The following ANTXR2 variants were observed in gnomAD, a reference collection of about 807,000 sequenced individuals.
ANTXR2 encodes the protein anthrax toxin receptor 2.
In ANTXR2, 44 loss-of-function variants were observed where a neutral mutation model predicts 73.7. That is an observed-to-expected ratio of 0.60 (90% CI 0.47 to 0.77). The LOEUF is 0.77. Among genes scored for constraint, ANTXR2 ranks in the 30% least tolerant of loss-of-function variants. ANTXR2 has a pLI of 0.00. For synonymous variants in ANTXR2, 217 were observed against 205.9 expected (o/e 1.05, Z -0.46); for missense variants, 604 against 592.5 (o/e 1.02, Z -0.20).
At chr4:80,071,756 T>C in intron 1 of ANTXR2, 102 bp from the exon 2 acceptor site, 1 of 916,708 alleles carries the variant, frequency 1.1e-6, no homozygotes, top group Admixed American at 2.2e-5. Context: ...TAGGGGCACC[T>C]GGCCTCTTTT....
intron 7 of ANTXR2, among the ~76,000 whole-genome samples, chr4:80,036,532 G>A (rs1732973104): frequency 6.6e-6 from 1 of 152,120 alleles, no homozygotes; most frequent in Admixed American, 6.6e-5. Context: ...TGTGCACAGT[G>A]GCTCATGCCT....
intron 10 of ANTXR2, among the ~76,000 whole-genome samples, chr4:80,026,428 T>A (rs1474149855): frequency 6.6e-6 from 1 of 152,190 alleles, no homozygotes. Context: ...CGGCAGTTCT[T>A]TATAGCAGTG....
chr4:79,987,562 T>G (rs532561943), intron 12 of ANTXR2, among the ~76,000 whole-genome samples: 1 of 152,214 alleles, frequency 6.6e-6, no homozygotes, highest in Non-Finnish European at 1.5e-5. Context: ...TTTGAGGATA[T>G]TGTCCACACA....
intron 7 of ANTXR2, among the ~76,000 whole-genome samples, chr4:80,039,444 A>C (rs1733130794): frequency 6.6e-6 from 1 of 152,098 alleles, no homozygotes; most frequent in Non-Finnish European, 1.5e-5. Flanking sequence ...CCAAGTAATT[A>C]TACAAATTGA....
intron 10 of ANTXR2, among the ~76,000 whole-genome samples, chr4:80,030,982 T>C (rs1732662458): frequency 6.6e-6 from 1 of 152,022 alleles, no homozygotes; most frequent in South Asian, 2.1e-4. Context: ...AAATTATCAG[T>C]AGAATTACTT....
intron 7 of ANTXR2, among the ~76,000 whole-genome samples, chr4:80,049,745 C>T (rs4690140): frequency 0.14 from 20,484 of 151,670 alleles, 2,755 homozygotes; most frequent in East Asian, 0.71. Flanking sequence ...CTTTTGACTC[C>T]TCTCTCTGTC....
chr4:79,950,008 G>A lies in ANTXR2; in HGVS notation c.1428+27613C>T, dbSNP rs936429170. 4.6e-5 allele frequency among the ~76,000 whole-genome samples: 7 copies of A among 152,056 alleles called. No homozygotes were observed. In the South Asian group the frequency reaches 6.2e-4, roughly 14 times the overall value. On this transcript the variant is annotated intron_variant, in intron 16 of 16. Transcript: ENST00000403729. ...GGACAAGAACAGCTATCATATCAAC[G>A]TTATTGTCTTTGAATAATAAAATCT...
intron 10 of ANTXR2, among the ~76,000 whole-genome samples, chr4:80,020,992 CA>C (rs1389978607): frequency 2.0e-5 from 3 of 150,646 alleles, no homozygotes; most frequent in Non-Finnish European, 4.4e-5. Flanking sequence ...ACTAAAAATA[CA>C]AAAAAATTAG....
rs1329051814 is a variant in ANTXR2 at position 80,040,964 on chromosome 4, T to C, written c.637-4932A>G. Among the ~76,000 whole-genome samples the C allele has an allele frequency of 2.0e-5, 3 of 152,208 alleles. No homozygotes were observed. In the East Asian group the frequency reaches 5.8e-4, roughly 29 times the overall value. The stretch of plus-strand genomic sequence containing the variant: ...ATAACAAAAAGTCAAATTTTCTAAA[T>C]TAAGTACAAGTATCAGTAGTCCAAA... On this transcript the variant is annotated intron_variant, in intron 7 of 16. Transcript: ENST00000403729.
chr4:79,984,434 C>T (rs1383917777), intron 13 of ANTXR2, among the ~76,000 whole-genome samples: 1 of 152,126 alleles, frequency 6.6e-6, no homozygotes, highest in African/African-American at 2.4e-5. Context: ...ATGTTCCTAA[C>T]ATGATTCTGG....
intron 6 of ANTXR2, among the ~76,000 whole-genome samples, chr4:80,054,821 T>C (rs112905495): frequency 5.9e-5 from 9 of 151,498 alleles, no homozygotes; most frequent in African/African-American, 2.2e-4. Flanking sequence ...TCTAACATTA[T>C]AATAATATGA....
At chr4:79,923,050 A>G (rs1203309900) in intron 16 of ANTXR2, among the ~76,000 whole-genome samples, 1 of 152,064 alleles carries the variant, frequency 6.6e-6, no homozygotes, top group African/African-American at 2.4e-5. Flanking sequence ...CTATCATTTA[A>G]CAAGTGCTTA....
At chr4:80,031,262 GCA>G (rs1170738353) in intron 10 of ANTXR2, among the ~76,000 whole-genome samples, 27 of 61,448 alleles carry the variant, frequency 4.4e-4, no homozygotes, top group Non-Finnish European at 1.3e-3. Context: ...CTGGGTGTGT[GCA>G]TGCACACACA....
At chr4:80,033,419 T>C (rs1732790079) in intron 9 of ANTXR2, 53 bp downstream of exon 9, 7 of 1,348,394 alleles carry the variant, frequency 5.2e-6, no homozygotes, top group Non-Finnish European at 7.1e-6. Context: ...AAACATTTGA[T>C]GCTGATGTGC....
At chr4:79,943,684 A>G (rs1728400868) in intron 16 of ANTXR2, among the ~76,000 whole-genome samples, 2 of 145,016 alleles carry the variant, frequency 1.4e-5, no homozygotes, top group Non-Finnish European at 1.5e-5. Flanking sequence ...ATGTATACAT[A>G]TGTAACTAAC....
At chr4:80,009,708 G>A (rs1446740831) in intron 11 of ANTXR2, among the ~76,000 whole-genome samples, 1 of 151,826 alleles carries the variant, frequency 6.6e-6, no homozygotes, top group Non-Finnish European at 1.5e-5. Flanking sequence ...TTAGCTGGGC[G>A]TGGTGGCGGG....
rs1031192972 is a variant in ANTXR2 at position 79,906,173 on chromosome 4, C to A, written c.*1256G>T. On this transcript the variant is annotated 3_prime_UTR_variant, in exon 17 of 17. Coordinates refer to ENST00000403729, the MANE Select transcript of ANTXR2 (RefSeq NM_058172.6). ...TCGACGTGACACGATGGTGGTTTTT[C>A]TAAAAAATTATAATACATACATCGT... The A allele has an allele frequency of 3.3e-5, 5 of 152,530 alleles. No individual in the cohort carries two copies. The highest frequency in any genetic ancestry group is 1.2e-4 in the African/African-American group (5 of 41,424). The allele number at this position is 152,530 out of a possible 1,614,324, so 9.4% of individuals were successfully genotyped here.
intron 16 of ANTXR2, among the ~76,000 whole-genome samples, chr4:79,926,271 C>G (rs1035166991): frequency 6.6e-6 from 1 of 152,000 alleles, no homozygotes; most frequent in Admixed American, 6.6e-5. Flanking sequence ...TTCAATTTAC[C>G]AAAACATAGC....
At chr4:79,991,265 A>G (rs1413838899) in intron 12 of ANTXR2, among the ~76,000 whole-genome samples, 20 of 151,906 alleles carry the variant, frequency 1.3e-4, no homozygotes, top group Non-Finnish European at 1.5e-5. Context: ...AAAACAAACA[A>G]CCTCATTTAA....
Sources: gnomAD v4.1 joint callset for allele counts (sites outside exome capture counted in the v4.1 genomes callset) on GRCh38, gnomAD v4.1.1 for gene constraint, MANE v1.5 for transcripts, NCBI Gene and HGNC (gene_info 2026-07-23, HGNC 2026-07-21) for gene names.